EFR3A: variants seen among roughly 807,000 people sequenced by gnomAD.
EFR3A encodes EFR3 homolog A, also known as protein EFR3 homolog A.
In EFR3A, 76 loss-of-function variants were observed where a neutral mutation model predicts 104.4. That is an observed-to-expected ratio of 0.73 (90% CI 0.60 to 0.88). EFR3A has a LOEUF of 0.88. Among genes scored for constraint, EFR3A ranks in the 40% least tolerant of loss-of-function variants. The pLI, the probability that EFR3A is intolerant of heterozygous loss-of-function variation, is 0.00. For synonymous variants in EFR3A, 330 were observed against 330.0 expected (o/e 1.00, Z 0.00); for missense variants, 985 against 1,012.5 (o/e 0.97, Z 0.37).
intron 1 of EFR3A, among the ~76,000 whole-genome samples, chr8:131,914,963 T>C (rs1816679911): frequency 6.6e-6 from 1 of 152,206 alleles, no homozygotes; most frequent in Non-Finnish European, 1.5e-5. Flanking sequence ...CAGCTCCATC[T>C]GTTCCCACAA....
At chr8:131,931,951 A>G (rs971028020) in intron 1 of EFR3A, among the ~76,000 whole-genome samples, 2 of 151,954 alleles carry the variant, frequency 1.3e-5, no homozygotes, top group African/African-American at 4.8e-5. Flanking sequence ...TTTGCCTAGG[A>G]TGGTCAAAGT....
At chr8:131,971,573 AGCTAC>A (rs1349555097) in intron 10 of EFR3A, among the ~76,000 whole-genome samples, 12 of 152,144 alleles carry the variant, frequency 7.9e-5, no homozygotes, top group Middle Eastern at 3.4e-3. Flanking sequence ...CTGTAGTCCC[AGCTAC>A]GCGGGAGGCT....
intron 2 of EFR3A, among the ~76,000 whole-genome samples, chr8:131,941,452 T>C (rs1818168035): frequency 6.6e-6 from 1 of 152,158 alleles, no homozygotes; most frequent in African/African-American, 2.4e-5. Flanking sequence ...ATGTATCTTA[T>C]TTTTAACCAA....
At chr8:131,995,400 T>C (rs1821422565) in intron 18 of EFR3A, among the ~76,000 whole-genome samples, 1 of 152,220 alleles carries the variant, frequency 6.6e-6, no homozygotes, top group Non-Finnish European at 1.5e-5. Context: ...ATTTTTCCTG[T>C]TAAACTGTAA....
At chr8:132,000,690 C>A (rs1285344184) in intron 19 of EFR3A, 1 of 152,094 alleles carries the variant, frequency 6.6e-6, no homozygotes, top group African/African-American at 2.4e-5. Context: ...CTTTTTTTCA[C>A]TGAAGTACTA....
intron 22 of EFR3A, among the ~76,000 whole-genome samples, chr8:132,005,074 G>A (rs889911744): frequency 6.6e-6 from 1 of 152,148 alleles, no homozygotes; most frequent in South Asian, 2.1e-4. Context: ...TGTGCTAAAT[G>A]TATTATTTTA....
chr8:131,934,120 A>T (rs1273420617), intron 1 of EFR3A, among the ~76,000 whole-genome samples: 1 of 152,166 alleles, frequency 6.6e-6, no homozygotes, highest in Non-Finnish European at 1.5e-5. Flanking sequence ...TTTTCTGAAG[A>T]TAAGATTATT....
chr8:131,980,379 T>C (rs1048018147), intron 14 of EFR3A, among the ~76,000 whole-genome samples: 4 of 152,122 alleles, frequency 2.6e-5, no homozygotes, highest in African/African-American at 9.7e-5. Flanking sequence ...TTGAATAAAA[T>C]ATTTAAATGA....
In EFR3A at chr8:131,978,968, T is replaced by C; in HGVS notation, c.1448T>C (p.Met483Thr). ...YELRQLVLEV[M>T]HNLMDRHDNR... Reference sequence around the variant, plus strand: ...CTGAGACAGTTGGTCTTGGAAGTAATGCATAATCTCATGGATCGTCATGAC... The same window carrying C: ...CTGAGACAGTTGGTCTTGGAAGTAACGCATAATCTCATGGATCGTCATGAC... The change falls in exon 13 of 23, where the codon ATG (methionine) becomes ACG (threonine). Residue 483 changes from methionine (M) to threonine (T), a missense_variant. Physicochemically the swap from Met to Thr is moderately conservative, Grantham distance 81. Coordinates refer to ENST00000254624, the MANE Select transcript of EFR3A (RefSeq NM_015137.6). The C allele has an allele frequency of 1.9e-6, 3 of 1,613,136 alleles. No individual in the cohort carries two copies. Among genetic ancestry groups the C allele is most frequent in the Non-Finnish European group, 2.5e-6 (3 of 1,179,320 alleles).
chr8:131,937,648 C>CA (rs1300997275), intron 1 of EFR3A, among the ~76,000 whole-genome samples: 1 of 152,096 alleles, frequency 6.6e-6, no homozygotes, highest in African/African-American at 2.4e-5. Flanking sequence ...TCCTAGGTGA[C>CA]AAACACCGCA....
At chr8:131,938,922 T>C (rs1192986911) in intron 1 of EFR3A, among the ~76,000 whole-genome samples, 2 of 152,178 alleles carry the variant, frequency 1.3e-5, no homozygotes, top group East Asian at 1.9e-4. Flanking sequence ...AGTACAGTGC[T>C]GTACACGTCA....
chr8:131,946,865 A>G (rs1818467250), intron 4 of EFR3A, among the ~76,000 whole-genome samples: 1 of 152,046 alleles, frequency 6.6e-6, no homozygotes, highest in Admixed American at 6.6e-5. Context: ...ATGAATGCAT[A>G]CTTGTCATTT....
At chr8:131,960,794 T>C (rs1004737627) in intron 8 of EFR3A, among the ~76,000 whole-genome samples, 1 of 152,208 alleles carries the variant, frequency 6.6e-6, no homozygotes, top group African/African-American at 2.4e-5. Context: ...CTAAATTTAT[T>C]TCTTGAGGGT....
intron 11 of EFR3A, among the ~76,000 whole-genome samples, chr8:131,976,383 T>C (rs556374861): frequency 6.6e-6 from 1 of 152,292 alleles, no homozygotes; most frequent in Admixed American, 6.5e-5. Flanking sequence ...TTGTTTGGCC[T>C]GGACATTGTG....
chr8:131,976,279 A>G (rs1820324171), intron 11 of EFR3A, 138 bp downstream of exon 11: 1 of 628,506 alleles, frequency 1.6e-6, no homozygotes, highest in African/African-American at 1.9e-5. Context: ...TAGTATTATT[A>G]TGACAGTAGA....
At chr8:131,949,241 A>G (rs1818584361) in intron 4 of EFR3A, among the ~76,000 whole-genome samples, 1 of 152,124 alleles carries the variant, frequency 6.6e-6, no homozygotes, top group Non-Finnish European at 1.5e-5. Context: ...TATTTTACAT[A>G]TATTAATTAT....
At chr8:131,929,655 T>C (rs2130491815) in intron 1 of EFR3A, among the ~76,000 whole-genome samples, 1 of 152,312 alleles carries the variant, frequency 6.6e-6, no homozygotes, top group Non-Finnish European at 1.5e-5. Context: ...ACATTTAGTT[T>C]AGTGCCTAGG....
rs544379115 is a variant in EFR3A, at chr8:131,997,557, A to G, written c.2157+1060A>G. ...GCACTTAGTGTTCATTTTGAAACTC[A>G]ACGCATTAAGTCTAAAGTTTCTTAC... On this transcript the variant is annotated intron_variant, in intron 19 of 22. Transcript: ENST00000254624. Among the ~76,000 whole-genome samples the G allele has an allele frequency of 2.0e-5, 3 of 152,192 alleles. No individual in the cohort carries two copies. In the South Asian group the frequency reaches 6.2e-4, roughly 32 times the overall value.
At chr8:131,904,375 G>A in intron 1 of EFR3A, 53 bp downstream of exon 1, 1 of 1,240,114 alleles carries the variant, frequency 8.1e-7, no homozygotes, top group Non-Finnish European at 1.0e-6. Context: ...CCTGCGCGAC[G>A]CGCTTGGGCC....
Sources: gnomAD v4.1 joint callset for allele counts (sites outside exome capture counted in the v4.1 genomes callset) on GRCh38, gnomAD v4.1.1 for gene constraint, MANE v1.5 for transcripts, NCBI Gene and HGNC (gene_info 2026-07-23, HGNC 2026-07-21) for gene names.